CA13: variants seen among roughly 807,000 people sequenced by gnomAD.
CA13 encodes the protein CA-XIII.
CA13 carries 21 observed loss-of-function variants against 31.5 expected under a neutral mutation model. The observed-to-expected ratio is 0.67, with a 90% CI of 0.47 to 0.96. The LOEUF is 0.96. Ranked by LOEUF, CA13 falls within the 40% of genes least tolerant of loss-of-function variation. The pLI, the probability that CA13 is intolerant of heterozygous loss-of-function variation, is 0.00. For missense variants in CA13, 315 were observed against 318.9 expected, an observed-to-expected ratio of 0.99 and a Z score of 0.09; for synonymous variants, 117 against 111.4, an observed-to-expected ratio of 1.05 and a Z score of -0.32.
At chr8:85,253,164 C>T (rs1267846863) in intron 2 of CA13, among the ~76,000 whole-genome samples, 15 of 151,970 alleles carry the variant, frequency 9.9e-5, no homozygotes, top group East Asian at 1.9e-4. Context: ...AGGCTGGTTT[C>T]GAACTCCCGA....
intron 6 of CA13, among the ~76,000 whole-genome samples, chr8:85,276,802 T>C (rs1807617897): frequency 6.6e-6 from 1 of 152,084 alleles, no homozygotes; most frequent in Admixed American, 6.6e-5. Flanking sequence ...GTCGACACTC[T>C]GTATCTAGCT....
At chr8:85,267,234 A>AC (rs1303271431) in intron 4 of CA13, 24 of 988,166 alleles carry the variant, frequency 2.4e-5, no homozygotes, top group Non-Finnish European at 2.4e-5. Context: ...CCTTTGTCAC[A>AC]CCCCATACTC....
intron 3 of CA13, among the ~76,000 whole-genome samples, chr8:85,260,227 T>G (rs1198209999): frequency 1.3e-5 from 2 of 150,694 alleles, no homozygotes; most frequent in Non-Finnish European, 3.0e-5. Flanking sequence ...AATGCTCTAC[T>G]TTTTTTAATC....
At chr8:85,276,604 G>T (rs1023860186) in intron 6 of CA13, among the ~76,000 whole-genome samples, 13 of 152,176 alleles carry the variant, frequency 8.5e-5, no homozygotes, top group Admixed American at 6.5e-4. Context: ...AGCACCCTGT[G>T]TCTAGCTCAG....
At chr8:85,256,943 TTCTC>T (rs966807396) in intron 2 of CA13, among the ~76,000 whole-genome samples, 2 of 151,942 alleles carry the variant, frequency 1.3e-5, no homozygotes, top group Non-Finnish European at 2.9e-5. Context: ...GTCCTTTGGT[TTCTC>T]TCTCTCTCTC....
At chr8:85,267,291 C>T (rs2129985757) in intron 4 of CA13, 1 of 985,914 alleles carries the variant, frequency 1.0e-6, no homozygotes, top group South Asian at 4.7e-5. Context: ...CGGATGGCAA[C>T]AATTCCTTGC....
chr8:85,280,573 TAAAAC>T (rs1352435553), intron 6 of CA13, among the ~76,000 whole-genome samples: 1 of 152,170 alleles, frequency 6.6e-6, no homozygotes, highest in Non-Finnish European at 1.5e-5. Flanking sequence ...TTCATCAAAG[TAAAAC>T]AAAATAAACA....
At chr8:85,267,180 G>T in intron 4 of CA13, 1 of 854,608 alleles carries the variant, frequency 1.2e-6, no homozygotes, top group Non-Finnish European at 1.4e-6. Context: ...GGAACAGGTT[G>T]GGCTTCTCAC....
intron 3 of CA13, among the ~76,000 whole-genome samples, chr8:85,264,870 G>C (rs1389987267): frequency 6.6e-6 from 1 of 152,142 alleles, no homozygotes; most frequent in Non-Finnish European, 1.5e-5. Flanking sequence ...GGTGTTTTCA[G>C]GTTTCTTTCC....
At chr8:85,254,894 C>T (rs1474555802) in intron 2 of CA13, among the ~76,000 whole-genome samples, 1 of 150,328 alleles carries the variant, frequency 6.7e-6, no homozygotes, top group Non-Finnish European at 1.5e-5. Context: ...TGTAAAGAAG[C>T]CATTTTTGAC....
chr8:85,249,925 G>A (rs1485107181), intron 1 of CA13: 5 of 374,254 alleles, frequency 1.3e-5, no homozygotes, highest in Admixed American at 7.2e-5. Flanking sequence ...TGATTGGCTC[G>A]TTTCAATTTC....
intron 3 of CA13, among the ~76,000 whole-genome samples, chr8:85,259,889 G>A (rs1359258855): frequency 6.6e-6 from 1 of 152,102 alleles, no homozygotes; most frequent in Non-Finnish European, 1.5e-5. Flanking sequence ...TCTACTGAAA[G>A]GCCAGTGAGA....
At chr8:85,276,609 G>C (rs2130007278) in intron 6 of CA13, among the ~76,000 whole-genome samples, 1 of 152,240 alleles carries the variant, frequency 6.6e-6, no homozygotes, top group South Asian at 2.1e-4. Context: ...CCTGTGTCTA[G>C]CTCAGGGTTT....
chr8:85,253,319 C>T (rs552976194), intron 2 of CA13, among the ~76,000 whole-genome samples: 2 of 151,860 alleles, frequency 1.3e-5, no homozygotes, highest in South Asian at 4.2e-4. Flanking sequence ...GGCTGGAGTG[C>T]AGTGGTGCAA....
intron 6 of CA13, among the ~76,000 whole-genome samples, chr8:85,270,104 G>A (rs1256866475): frequency 6.6e-6 from 1 of 152,206 alleles, no homozygotes; most frequent in South Asian, 2.1e-4. Context: ...TGGATGCTGT[G>A]TGTTCTTGGA....
At chr8:85,274,577 A>G (rs1807574049) in intron 6 of CA13, among the ~76,000 whole-genome samples, 1 of 152,220 alleles carries the variant, frequency 6.6e-6, no homozygotes, top group Admixed American at 6.5e-5. Context: ...TAGCGATATT[A>G]AACTTACCAT....
chr8:85,257,033 T>C (rs1183824961), intron 2 of CA13, among the ~76,000 whole-genome samples: 3 of 152,148 alleles, frequency 2.0e-5, no homozygotes, highest in South Asian at 2.1e-4. Flanking sequence ...TCCAAGCAAA[T>C]TGCAGATGTG....
intron 6 of CA13, among the ~76,000 whole-genome samples, chr8:85,275,028 C>G (rs185976376): frequency 7.0e-4 from 107 of 152,254 alleles, no homozygotes; most frequent in Non-Finnish European, 1.1e-3. Flanking sequence ...TTCACATATC[C>G]AAAGGAATCC....
chr8:85,268,413 T>C, intron 5 of CA13, 59 bp from the exon 6 acceptor site: 4 of 1,462,670 alleles, frequency 2.7e-6, no homozygotes, highest in Non-Finnish European at 3.8e-6. Context: ...TGTATGTTTT[T>C]TGAGGTCTAT....
Sources: gnomAD v4.1 joint callset for allele counts (sites outside exome capture counted in the v4.1 genomes callset) on GRCh38, gnomAD v4.1.1 for gene constraint, MANE v1.5 for transcripts, NCBI Gene and HGNC (gene_info 2026-07-23, HGNC 2026-07-21) for gene names.